The following HTR3E variants were observed in gnomAD, a reference collection of about 807,000 sequenced individuals.
HTR3E encodes 5-hydroxytryptamine receptor 3E.
HTR3E carries 38 observed loss-of-function variants against 38.0 expected under a neutral mutation model. The ratio of observed to expected loss-of-function variants is 1.00; its 90% CI spans 0.77 to 1.31. HTR3E has a LOEUF of 1.31. Among genes scored for constraint, HTR3E ranks in the 50% most tolerant of loss-of-function variants. HTR3E has a pLI of 0.00. For missense variants in HTR3E, 547 were observed against 585.2 expected (o/e 0.93, Z 0.67); for synonymous variants, 210 against 232.9 (o/e 0.90, Z 0.89).
chr3:184,102,499 A>G (rs1392946875), intron 3 of HTR3E, among the ~76,000 whole-genome samples: 14 of 101,800 alleles, frequency 1.4e-4, no homozygotes, highest in Non-Finnish European at 1.6e-4. Flanking sequence ...GGGAGGGGGG[A>G]GGGATGGCAT....
chr3:184,106,095 C>G lies in HTR3E; in HGVS notation c.926-33C>G. 1 of 1,613,366 alleles carries G rather than the reference C, an allele frequency of 6.2e-7. No individual in the cohort carries two copies. Among genetic ancestry groups the G allele is most frequent in the Non-Finnish European group, 8.5e-7 (1 of 1,179,556 alleles). On this transcript the variant is annotated intron_variant, in intron 7 of 8. Coordinates refer to ENST00000415389, the MANE Select transcript of HTR3E (RefSeq NM_001256613.2). This position sits in a 1 kb window ranked among gnomAD's most constrained non-coding sequence, Gnocchi z 4.1. Reference sequence around the variant, plus strand: ...GAAGAGAAGAAATTCTAGGTGGTGCCTCTGGCCCTCACTAGGCCCCCCTTC... The same window carrying G: ...GAAGAGAAGAAATTCTAGGTGGTGCGTCTGGCCCTCACTAGGCCCCCCTTC...
rs1223129144 is a variant in HTR3E at position 184,099,736 on chromosome 3, A to G, written c.68-749A>G. Among the ~76,000 whole-genome samples, 16 of 148,262 alleles carry G rather than the reference A, an allele frequency of 1.1e-4. 1 individual carries two copies. The highest frequency in any genetic ancestry group is 3.6e-4 in the African/African-American group (14 of 39,222). ...ACTCCGTCTCAAAAAAAAAAAAAAA[A>G]AAAAGAAAGAAATATGCACAATTAT... On this transcript the variant is annotated intron_variant, in intron 1 of 8. Transcript: ENST00000415389.
In HTR3E at chr3:184,106,565, G is replaced by T. The variant is rs1320975835; in HGVS notation, c.1243G>T (p.Ala415Ser). 2 of 1,614,162 alleles carry T rather than the reference G, an allele frequency of 1.2e-6. No individual in the cohort carries two copies. The highest frequency in any genetic ancestry group is 3.3e-5 in the Admixed American group (2 of 60,018). The change falls in exon 9 of 9, where the codon GCC becomes TCC. Residue 415 changes from alanine to serine, a missense_variant. Coordinates refer to ENST00000415389, the MANE Select transcript of HTR3E (RefSeq NM_001256613.2). This position sits in a 1 kb window ranked among gnomAD's most constrained non-coding sequence, Gnocchi z 4.1. ...EWTRAQREHE[A>S]QKQHSVELWL... ...GACAAGGGCCCAGCGGGAACACGAG[G>T]CCCAGAAGCAGCACTCAGTGGAGCT... is the stretch of plus-strand genomic sequence containing the variant.
chr3:184,106,766 C>T lies in HTR3E; in HGVS notation c.*73C>T. 1 of 1,451,496 alleles carries T rather than the reference C, an allele frequency of 6.9e-7. No homozygotes were observed. Among genetic ancestry groups the T allele is most frequent in the African/African-American group, 1.4e-5 (1 of 71,158 alleles). 89.9% of individuals were successfully genotyped at this position (1,451,496 alleles called of 1,614,324 possible). On this transcript the variant is annotated 3_prime_UTR_variant, in exon 9 of 9. Transcript: ENST00000415389. The surrounding 1 kb of genome is among the most constrained non-coding windows in gnomAD (Gnocchi z 4.1). Reference sequence around the variant, plus strand: ...GGGACTGGCCAGGTCTCCCCCCTTTCCTGAGTACCAACTATCATATCCCCA... The same window carrying T: ...GGGACTGGCCAGGTCTCCCCCCTTTTCTGAGTACCAACTATCATATCCCCA...
rs1410317591 is a variant in HTR3E, at chr3:184,097,429, T to C, written c.-101T>C. ...ACAAATGTCAGTGGTCAACCAATGCTATTAGTATTCAAAGTCAGACTCTAG... is the reference window on the plus strand; with the variant it reads ...ACAAATGTCAGTGGTCAACCAATGCCATTAGTATTCAAAGTCAGACTCTAG... On this transcript the variant is annotated 5_prime_UTR_variant, in exon 1 of 9. Transcript: ENST00000415389. The C allele has an allele frequency of 1.3e-6, 1 of 776,058 alleles. No individual in the cohort carries two copies. 48.1% of individuals were successfully genotyped at this position (776,058 alleles called of 1,614,324 possible).
chr3:184,101,977 G>A (rs1712076230), intron 3 of HTR3E, among the ~76,000 whole-genome samples: 1 of 152,144 alleles, frequency 6.6e-6, no homozygotes, highest in Non-Finnish European at 1.5e-5. Context: ...GCAACAGAGT[G>A]AGACTCTATC....
chr3:184,100,207 GCTGT>G (rs763097641), intron 1 of HTR3E: 137 of 1,405,876 alleles, frequency 9.7e-5, no homozygotes, highest in Non-Finnish European at 1.2e-4. Flanking sequence ...CCTTTTATTG[GCTGT>G]CTGACTGTAG....
rs1369303969 is a variant in HTR3E, at chr3:184,099,731, A to AC, written c.68-754_68-753insC. On this transcript the variant is annotated intron_variant, in intron 1 of 8. Transcript: ENST00000415389. ...GCGAGACTCCGTCTCAAAAAAAAAAAAAAAAAAAAGAAAGAAATATGCACA... is the reference window on the plus strand; with the variant it reads ...GCGAGACTCCGTCTCAAAAAAAAAAACAAAAAAAAAGAAAGAAATATGCACA... 9.5e-5 allele frequency among the ~76,000 whole-genome samples: 14 copies of AC among 146,724 alleles called. 3 individuals are homozygous for AC. The highest frequency in any genetic ancestry group is 3.4e-4 in the Admixed American group (5 of 14,786).
intron 3 of HTR3E, among the ~76,000 whole-genome samples, chr3:184,103,745 C>T (rs1179902905): frequency 2.7e-5 from 4 of 149,886 alleles, no homozygotes; most frequent in East Asian, 2.0e-4. Flanking sequence ...TGCAGTGAGC[C>T]GAGATCACGC....
rs1275372022 is a variant in HTR3E, at chr3:184,106,762, C to G, written c.*69C>G. On this transcript the variant is annotated 3_prime_UTR_variant, in exon 9 of 9. Transcript: ENST00000415389. The surrounding 1 kb of genome is among the most constrained non-coding windows in gnomAD (Gnocchi z 4.1). ...TCCAGGGACTGGCCAGGTCTCCCCC[C>G]TTTCCTGAGTACCAACTATCATATC... The G allele has an allele frequency of 4.7e-6, 7 of 1,491,774 alleles. No homozygotes were observed. The highest frequency in any genetic ancestry group is 3.6e-5 in the Admixed American group (2 of 56,272). The allele number at this position is 1,491,774 out of a possible 1,614,324, so 92.4% of individuals were successfully genotyped here. A position where few individuals can be genotyped will look rare whatever the true frequency, so the allele number is the denominator to read the frequency against.
intron 3 of HTR3E, among the ~76,000 whole-genome samples, chr3:184,102,688 G>T (rs1187336865): frequency 6.6e-6 from 1 of 151,740 alleles, no homozygotes; most frequent in African/African-American, 2.4e-5. Flanking sequence ...ACTTTGGGAG[G>T]CCGAGGCCGG....
intron 3 of HTR3E, among the ~76,000 whole-genome samples, chr3:184,102,419 G>A (rs1712103011): frequency 6.8e-6 from 1 of 146,756 alleles, no homozygotes; most frequent in Non-Finnish European, 1.5e-5. Context: ...AGCCATAATT[G>A]TGCCACTGCA....
At chr3:184,101,227 G>GCGCCCGGCCACATCGATATTTTT in intron 2 of HTR3E, among the ~76,000 whole-genome samples, 1 of 152,254 alleles carries the variant, frequency 6.6e-6, no homozygotes, top group Non-Finnish European at 1.5e-5. Flanking sequence ...ATGAGCCACC[G>GCGCCCGGCCACATCGATATTTTT]CGCCCGGCCA....
chr3:184,100,100 C>T (rs947744779), intron 1 of HTR3E: 5 of 1,261,844 alleles, frequency 4.0e-6, no homozygotes, highest in Non-Finnish European at 5.0e-6. Context: ...GTCTGGACCC[C>T]TCTCGGTGAT....
intron 1 of HTR3E, chr3:184,100,153 A>T: frequency 7.2e-7 from 1 of 1,380,404 alleles, no homozygotes; most frequent in Non-Finnish European, 9.4e-7. Context: ...CGTATAGCAC[A>T]GCAGCAGCAG....
chr3:184,099,720 C>CAAAAAAAAAAA (rs1192532487), intron 1 of HTR3E, among the ~76,000 whole-genome samples: 6 of 44,648 alleles, frequency 1.3e-4, no homozygotes, highest in African/African-American at 4.0e-4. Context: ...GACTCCGTCT[C>CAAAAAAAAAAA]AAAAAAAAAA....
At chr3:184,105,498 T>G (rs561443388) in intron 6 of HTR3E, 71 bp downstream of exon 6, 4 of 1,495,336 alleles carry the variant, frequency 2.7e-6, no homozygotes, top group South Asian at 2.6e-5. Context: ...CCATCAAATA[T>G]GTATCTCCCA....
intron 1 of HTR3E, 61 bp from the exon 2 acceptor site, chr3:184,100,424 C>T (rs1342699266): frequency 1.9e-6 from 3 of 1,613,080 alleles, no homozygotes; most frequent in South Asian, 2.2e-5. Flanking sequence ...CTTGGGGCCC[C>T]TCTCATATAG....
At chr3:184,100,344 A>G (rs764752724) in intron 1 of HTR3E, 141 bp from the exon 2 acceptor site, 1 of 1,597,416 alleles carries the variant, frequency 6.3e-7, no homozygotes, top group Non-Finnish European at 8.6e-7. Context: ...GGCTTAGAAT[A>G]TACCTGACAC....
Sources: gnomAD v4.1 joint callset for allele counts (sites outside exome capture counted in the v4.1 genomes callset) on GRCh38, gnomAD v4.1.1 for gene constraint, Gnocchi (gnomAD v3.1) non-coding constraint, MANE v1.5 for transcripts, NCBI Gene and HGNC (gene_info 2026-07-23, HGNC 2026-07-21) for gene names.